The following KIF2C variants were observed in gnomAD, a reference collection of about 807,000 sequenced individuals.
The protein encoded by KIF2C is kinesin-like protein KIF2C.
In KIF2C, 34 loss-of-function variants were observed where a neutral mutation model predicts 97.4. That is an observed-to-expected ratio of 0.35 (90% CI 0.27 to 0.46). The LOEUF is 0.46. Among genes scored for constraint, KIF2C ranks in the 20% least tolerant of loss-of-function variants. The probability of loss-of-function intolerance (pLI) is 1.00; values close to 1 mark genes in which losing one functional copy is unlikely to be tolerated. For missense variants in KIF2C, 750 were observed against 907.6 expected (o/e 0.83, Z 2.23); for synonymous variants, 313 against 318.2 (o/e 0.98, Z 0.17).
chr1:44,746,756 G>C, intron 2 of KIF2C: 1 of 1,609,508 alleles, frequency 6.2e-7, no homozygotes, highest in Non-Finnish European at 8.5e-7. Flanking sequence ...TATCCATCTA[G>C]ATGGTAAACC....
intron 19 of KIF2C, among the ~76,000 whole-genome samples, chr1:44,763,809 G>A (rs60452778): frequency 0.18 from 26,623 of 152,128 alleles, 2,539 homozygotes; most frequent in Non-Finnish European, 0.21. Flanking sequence ...GCCGAGGCGG[G>A]TGGATCATGA....
chr1:44,761,010 C>T, intron 16 of KIF2C: 2 of 321,560 alleles, frequency 6.2e-6, no homozygotes, highest in South Asian at 6.7e-5. Flanking sequence ...TTTGGGTCAG[C>T]AGGAGAGGGA....
At chr1:44,755,649 C>T (rs1464560031) in intron 8 of KIF2C, among the ~76,000 whole-genome samples, 1 of 152,206 alleles carries the variant, frequency 6.6e-6, no homozygotes, top group Non-Finnish European at 1.5e-5. Context: ...CTGGGTTCCA[C>T]CCCCATACCA....
At chr1:44,759,138 G>A (rs915478187) in intron 13 of KIF2C, 68 bp from the exon 14 acceptor site, 2 of 1,600,064 alleles carry the variant, frequency 1.2e-6, no homozygotes, top group African/African-American at 1.3e-5. Context: ...CAGGCTAGTA[G>A]GAGGAAGCAG....
At chr1:44,745,805 C>G (rs549526267) in intron 2 of KIF2C, among the ~76,000 whole-genome samples, 37 of 152,108 alleles carry the variant, frequency 2.4e-4, no homozygotes, top group African/African-American at 8.9e-4. Context: ...CTACCTTCCC[C>G]CTGTAGGCTG....
intron 6 of KIF2C, 142 bp downstream of exon 6, chr1:44,753,396 C>T: frequency 1.1e-6 from 1 of 948,632 alleles, no homozygotes; most frequent in Non-Finnish European, 1.5e-6. Context: ...GCCATGGAAT[C>T]AGTCTTTCAT....
chr1:44,759,690 AAAAAAT>A (rs879864885), intron 14 of KIF2C, among the ~76,000 whole-genome samples: 11 of 152,190 alleles, frequency 7.2e-5, no homozygotes, highest in Non-Finnish European at 1.3e-4. Context: ...TCCTGTCTCA[AAAAAAT>A]AAAAATAAAA....
At chr1:44,745,213 T>G (rs1245744652) in intron 2 of KIF2C, among the ~76,000 whole-genome samples, 1 of 151,704 alleles carries the variant, frequency 6.6e-6, no homozygotes, top group Admixed American at 6.6e-5. Flanking sequence ...AACCTCTGGT[T>G]TTCTTTGTTG....
Position 44,747,717 on chromosome 1 carries a change from T to G in KIF2C, c.316+17T>G. ...CAAAAGAAAGTAAGTGGATTTCTAC[T>G]AGCTTACTATCATGGAATTTGTGTC... On this transcript the variant is annotated intron_variant, in intron 4 of 20. Coordinates refer to ENST00000372224, the MANE Select transcript of KIF2C (RefSeq NM_006845.4). 1.9e-6 allele frequency: 3 copies of G among 1,606,252 alleles called. No individual in the cohort carries two copies. The highest frequency in any genetic ancestry group is 2.6e-6 in the Non-Finnish European group (3 of 1,173,618).
intron 2 of KIF2C, among the ~76,000 whole-genome samples, chr1:44,742,268 C>T (rs950006954): frequency 4.6e-5 from 7 of 151,932 alleles, no homozygotes; most frequent in Admixed American, 4.6e-4. Flanking sequence ...CGCCACTACG[C>T]CCGGCTAATT....
Position 44,754,804 on chromosome 1 carries a change from C to T in KIF2C, c.718C>T (p.Arg240Trp), listed in dbSNP as rs775372478. Residue 240 changes from arginine to tryptophan, a missense_variant, in exon 8 of 21, where the codon CGG becomes TGG. Transcript: ENST00000372224. ...WEFARMIKEF[R>W]ATLECHPLTM... Reference sequence around the variant, plus strand: ...ATTTGCCCGAATGATTAAAGAATTTCGGGCTACTTTGGAATGTCATCCACT... The same window carrying T: ...ATTTGCCCGAATGATTAAAGAATTTTGGGCTACTTTGGAATGTCATCCACT... The T allele has an allele frequency of 9.3e-6, 15 of 1,613,280 alleles. No individual in the cohort carries two copies. Among genetic ancestry groups the T allele is most frequent in the East Asian group, 2.2e-5 (1 of 44,888 alleles).
Position 44,753,764 on chromosome 1 carries a change from G to A in KIF2C, c.594G>A (p.Val198=), listed in dbSNP as rs1557594953. ...VRRKSCLVKE[V]EKMKNKREEK... is the part of the protein sequence containing the mutation. ...GGAAATCATGTCTTGTGAAGGAAGT[G>A]GAAAAAATGAAGAACAAGCGAGAAG... is the stretch of plus-strand genomic sequence containing the variant. Residue 198 remains valine (V), a synonymous_variant, in exon 7 of 21, where the codon GTG becomes GTA. Coordinates refer to ENST00000372224, the MANE Select transcript of KIF2C (RefSeq NM_006845.4). 6.2e-7 allele frequency: 1 copy of A among 1,610,664 alleles called. No individual in the cohort carries two copies.
intron 4 of KIF2C, among the ~76,000 whole-genome samples, chr1:44,749,492 C>A (rs555153121): frequency 6.6e-6 from 1 of 151,852 alleles, no homozygotes; most frequent in African/African-American, 2.4e-5. Flanking sequence ...TGGCTCACAC[C>A]TGTAAGCCCA....
chr1:44,756,314 C>T, intron 10 of KIF2C, 77 bp downstream of exon 10: 1 of 1,400,868 alleles, frequency 7.1e-7, no homozygotes, highest in Admixed American at 1.8e-5. Context: ...GGTAACACTA[C>T]TCACAGACGT....
chr1:44,757,456 A>T, intron 10 of KIF2C, 100 bp from the exon 11 acceptor site: 1 of 777,616 alleles, frequency 1.3e-6, no homozygotes, highest in Non-Finnish European at 2.3e-6. Flanking sequence ...TATTCTTAGA[A>T]GGAGGAATCG....
At chr1:44,754,371 G>A (rs917143740) in intron 7 of KIF2C, among the ~76,000 whole-genome samples, 11 of 152,120 alleles carry the variant, frequency 7.2e-5, no homozygotes, top group East Asian at 5.8e-4. Context: ...CTCACATGGC[G>A]TGATGGCCAG....
chr1:44,766,773 G>C, intron 19 of KIF2C, 53 bp from the exon 20 acceptor site: 14 of 1,599,310 alleles, frequency 8.8e-6, no homozygotes, highest in Non-Finnish European at 1.2e-5. Flanking sequence ...TAGGACCCCA[G>C]GAATGATTTG....
chr1:44,767,689 T>C lies in KIF2C; in HGVS notation c.*510T>C, dbSNP rs2148838850. Reference sequence around the variant, plus strand: ...CCTAGAGATCCTAGAGGATCCCTACTGTTTTCTGTTTTATGTGTTTATACA... The same window carrying C: ...CCTAGAGATCCTAGAGGATCCCTACCGTTTTCTGTTTTATGTGTTTATACA... On this transcript the variant is annotated 3_prime_UTR_variant, in exon 21 of 21. Transcript: ENST00000372224. The C allele has an allele frequency of 6.2e-6, 1 of 160,964 alleles. No individual in the cohort carries two copies. Among genetic ancestry groups the C allele is most frequent in the Non-Finnish European group, 1.4e-5 (1 of 72,510 alleles). The allele number at this position is 160,964 out of a possible 1,614,324, so 10.0% of individuals were successfully genotyped here. A position where few individuals can be genotyped will look rare whatever the true frequency, so the allele number is the denominator to read the frequency against.
intron 11 of KIF2C, 105 bp downstream of exon 11, chr1:44,757,751 G>T: frequency 9.2e-7 from 1 of 1,084,220 alleles, no homozygotes; most frequent in Non-Finnish European, 1.4e-6. Context: ...TGTTACAGAT[G>T]CCCCATCACC....
Sources: allele counts gnomAD v4.1 joint callset (sites outside exome capture counted in the v4.1 genomes callset), GRCh38; gene constraint gnomAD v4.1.1; transcripts MANE v1.5; gene names NCBI Gene and HGNC (gene_info 2026-07-23, HGNC 2026-07-21).